HSF2BP: variants seen among roughly 807,000 people sequenced by gnomAD.
HSF2BP encodes heat shock transcription factor 2 binding protein.
Under a neutral mutation model 35.0 loss-of-function variants are expected in HSF2BP, and 35 were observed. The ratio of observed to expected loss-of-function variants is 1.00; its 90% confidence interval spans 0.76 to 1.32. The LOEUF (loss-of-function observed/expected upper bound fraction) is 1.32, where lower values mean the gene tolerates loss of function less well. HSF2BP is among the 40% of genes most tolerant of loss of function. HSF2BP has a pLI of 0.00. For synonymous variants in HSF2BP, 114 were observed against 117.4 expected, an observed-to-expected ratio of 0.97 and a Z score of 0.18; for missense variants, 326 against 321.7, an observed-to-expected ratio of 1.01 and a Z score of -0.10.
chr21:43,631,267 C>T (rs371842738), intron 5 of HSF2BP, among the ~76,000 whole-genome samples: 5 of 152,258 alleles, frequency 3.3e-5, no homozygotes, highest in Middle Eastern at 3.4e-3. Context: ...TCCTGCCACA[C>T]GTCCCCCTCT....
chr21:43,475,859 TACAC>T, the HSF2BP span: 2 of 57,576 alleles, frequency 3.5e-5, 1 homozygote, highest in South Asian at 1.6e-3. Flanking sequence ...TAAAAAAAAA[TACAC>T]ACACAGACAC....
chr21:43,645,706 A>G lies in HSF2BP; in HGVS notation c.188-1314T>C, dbSNP rs73367864. On this transcript the variant is annotated intron_variant, in intron 3 of 8. Transcript: ENST00000291560. The stretch of plus-strand genomic sequence containing the variant: ...GAGCCAGGCGCCTGGAAAACGGAAC[A>G]TTACTCCACCCTAGAGGAGAAAAAG... Among the ~76,000 whole-genome samples the G allele has an allele frequency of 8.7e-3, 1,327 of 152,260 alleles. 21 individuals are homozygous for G. Among genetic ancestry groups the G allele is most frequent in the African/African-American group, 0.03 (1,254 of 41,534 alleles).
intron 6 of HSF2BP, among the ~76,000 whole-genome samples, chr21:43,625,860 G>T (rs1312108931): frequency 1.3e-5 from 2 of 152,138 alleles, no homozygotes; most frequent in East Asian, 3.8e-4. Context: ...TGAATGCTGG[G>T]CAACAGGGCG....
chr21:43,628,192 T>C (rs2082412307), intron 6 of HSF2BP, among the ~76,000 whole-genome samples: 1 of 152,178 alleles, frequency 6.6e-6, no homozygotes, highest in Admixed American at 6.5e-5. Context: ...AAGCTAGAAA[T>C]GATTAAGCTT....
In HSF2BP at chr21:43,656,650, A is replaced by C; in HGVS notation, c.124T>G (p.Leu42Val). 6.2e-7 allele frequency: 1 copy of C among 1,614,004 alleles called. No individual in the cohort carries two copies. The highest frequency in any genetic ancestry group is 8.5e-7 in the Non-Finnish European group (1 of 1,179,932). ...TTEVMQIRDF[L>V]PRILNGEVLE... ...ACCTCCCCATTTAGTATTCTGGGTA[A>C]GAAGTCCCGTATTTGCATCACTTCA... The change falls in exon 3 of 9, where the codon TTA becomes GTA. Residue 42 changes from leucine (L) to valine (V), a missense_variant. Physicochemically the swap from Leu to Val is conservative, Grantham distance 32. Coordinates refer to ENST00000291560, the MANE Select transcript of HSF2BP (RefSeq NM_007031.2).
chr21:43,618,346 G>C (rs1371147002), intron 6 of HSF2BP, among the ~76,000 whole-genome samples: 1 of 152,092 alleles, frequency 6.6e-6, no homozygotes, highest in African/African-American at 2.4e-5. Flanking sequence ...TTTTGCTTTA[G>C]ACTGTAATAG....
At chr21:43,643,598 A>AT (rs1469945094) in intron 4 of HSF2BP, among the ~76,000 whole-genome samples, 1 of 152,164 alleles carries the variant, frequency 6.6e-6, no homozygotes, top group Non-Finnish European at 1.5e-5. Context: ...TCACCAGAAA[A>AT]AGATGCCCAA....
chr21:43,654,036 A>C (rs920308472), intron 3 of HSF2BP, among the ~76,000 whole-genome samples: 1 of 152,270 alleles, frequency 6.6e-6, no homozygotes, highest in East Asian at 1.9e-4. Flanking sequence ...ATCAGCTTGC[A>C]CCGAGAAAGC....
chr21:43,606,240 C>T (rs1401150927), intron 7 of HSF2BP, among the ~76,000 whole-genome samples: 7 of 152,068 alleles, frequency 4.6e-5, no homozygotes, highest in African/African-American at 9.7e-5. Context: ...TGCTGGAAAC[C>T]GGGAGAAATG....
intron 2 of HSF2BP, among the ~76,000 whole-genome samples, chr21:43,657,334 T>A (rs1003846277): frequency 1.3e-5 from 2 of 152,206 alleles, no homozygotes; most frequent in African/African-American, 4.8e-5. Flanking sequence ...CACTCCAGTC[T>A]GGGCAACAGA....
At chr21:43,645,780 G>A (rs1456435051) in intron 3 of HSF2BP, among the ~76,000 whole-genome samples, 1 of 152,106 alleles carries the variant, frequency 6.6e-6, no homozygotes, top group Admixed American at 6.5e-5. Flanking sequence ...AAGCGGGTAG[G>A]GCTTTCGAAT....
At chr21:43,575,911 A>C (rs1364349667) in intron 8 of HSF2BP, among the ~76,000 whole-genome samples, 2 of 152,176 alleles carry the variant, frequency 1.3e-5, no homozygotes, top group Non-Finnish European at 2.9e-5. Context: ...TGAGGCTAGG[A>C]GTTTGAGATC....
intron 4 of HSF2BP, among the ~76,000 whole-genome samples, chr21:43,636,173 AGC>A (rs2082551160): frequency 6.7e-6 from 1 of 149,142 alleles, no homozygotes; most frequent in African/African-American, 2.5e-5. Context: ...TAGGTGACAG[AGC>A]AAGACACCAT....
intron 3 of HSF2BP, among the ~76,000 whole-genome samples, chr21:43,653,905 CAAGG>C (rs1312209973): frequency 6.6e-6 from 1 of 152,078 alleles, no homozygotes; most frequent in East Asian, 1.9e-4. Context: ...AGACAGGTAA[CAAGG>C]AAGACTCCTG....
intron 8 of HSF2BP, among the ~76,000 whole-genome samples, chr21:43,590,963 T>G (rs1444654177): frequency 1.3e-5 from 2 of 152,186 alleles, no homozygotes; most frequent in Non-Finnish European, 2.9e-5. Flanking sequence ...TATCAATACT[T>G]ATCAATTGTT....
intron 5 of HSF2BP, among the ~76,000 whole-genome samples, chr21:43,632,254 C>A (rs1459180405): frequency 8.9e-5 from 9 of 100,984 alleles, no homozygotes; most frequent in Admixed American, 8.9e-4. Flanking sequence ...CACACACACA[C>A]TCCCCCACAC....
chr21:43,653,406 G>A (rs936263500), intron 3 of HSF2BP, among the ~76,000 whole-genome samples: 4 of 152,060 alleles, frequency 2.6e-5, no homozygotes, highest in Non-Finnish European at 4.4e-5. Context: ...TAAAATCAGG[G>A]GCCCTGCACT....
At chr21:43,583,957 G>A (rs1466147145) in intron 8 of HSF2BP, among the ~76,000 whole-genome samples, 7 of 125,130 alleles carry the variant, frequency 5.6e-5, no homozygotes, top group African/African-American at 1.2e-4. Context: ...TAAGGGAGAT[G>A]AGGACCTGCC....
intron 3 of HSF2BP, among the ~76,000 whole-genome samples, chr21:43,650,312 T>C (rs2082766204): frequency 6.6e-6 from 1 of 152,092 alleles, no homozygotes; most frequent in Non-Finnish European, 1.5e-5. Flanking sequence ...GTTCACACCA[T>C]TCTCCTGCCT....
Sources: gnomAD v4.1 joint callset for allele counts (sites outside exome capture counted in the v4.1 genomes callset) on GRCh38, gnomAD v4.1.1 for gene constraint, MANE v1.5 for transcripts, NCBI Gene and HGNC (gene_info 2026-07-23, HGNC 2026-07-21) for gene names.